PPP2CB: variants seen among roughly 807,000 people sequenced by gnomAD.
PPP2CB encodes the protein protein phosphatase 2 catalytic subunit beta.
Under a neutral mutation model 39.1 loss-of-function variants are expected in PPP2CB, and 18 were observed. The observed-to-expected ratio is 0.46, with a 90% CI of 0.32 to 0.68. PPP2CB has a LOEUF of 0.68. PPP2CB is among the 30% of genes least tolerant of loss of function. The pLI is 0.04. For synonymous variants in PPP2CB, 129 were observed against 133.8 expected (o/e 0.96, Z 0.25); for missense variants, 226 against 396.9 (o/e 0.57, Z 3.66).
intron 1 of PPP2CB, among the ~76,000 whole-genome samples, chr8:30,809,601 T>C (rs1042420664): frequency 2.6e-5 from 4 of 151,934 alleles, no homozygotes; most frequent in African/African-American, 9.7e-5. Context: ...GATGAATGAA[T>C]TTCACTAACA....
intron 1 of PPP2CB, among the ~76,000 whole-genome samples, chr8:30,811,378 G>A (rs1206251539): frequency 6.6e-6 from 1 of 151,964 alleles, no homozygotes; most frequent in Non-Finnish European, 1.5e-5. Flanking sequence ...TTACTTCCAA[G>A]AGCCACTCAA....
chr8:30,788,026 T>G (rs1806371969), intron 6 of PPP2CB, among the ~76,000 whole-genome samples: 1 of 152,208 alleles, frequency 6.6e-6, no homozygotes, highest in Admixed American at 6.5e-5. Flanking sequence ...TTCAGTAAGG[T>G]CTCTAGTGAT....
chr8:30,801,512 C>T (rs1806626811), intron 1 of PPP2CB, among the ~76,000 whole-genome samples: 1 of 146,054 alleles, frequency 6.8e-6, no homozygotes, highest in Non-Finnish European at 1.5e-5. Context: ...CCAGCCTGGG[C>T]GACAGAGCAA....
intron 1 of PPP2CB, among the ~76,000 whole-genome samples, chr8:30,804,026 T>C (rs1444253044): frequency 1.3e-5 from 2 of 152,162 alleles, no homozygotes; most frequent in African/African-American, 4.8e-5. Flanking sequence ...TTTCACCACG[T>C]TGGCCAGACT....
chr8:30,811,677 T>G (rs915593165), intron 1 of PPP2CB, among the ~76,000 whole-genome samples: 3 of 150,750 alleles, frequency 2.0e-5, no homozygotes, highest in Non-Finnish European at 4.4e-5. Context: ...AAAAAATTTT[T>G]TGTGTGTGGA....
At chr8:30,786,455 C>T in intron 6 of PPP2CB, 148 bp from the exon 7 acceptor site, 2 of 587,814 alleles carry the variant, frequency 3.4e-6, no homozygotes, top group Non-Finnish European at 5.9e-6. Context: ...ATGGGCAAAT[C>T]ACTGCAGATG....
intron 1 of PPP2CB, among the ~76,000 whole-genome samples, chr8:30,808,983 G>C (rs939790769): frequency 1.5e-4 from 22 of 148,302 alleles, no homozygotes; most frequent in Admixed American, 1.4e-3. Flanking sequence ...GGAGTGCAGC[G>C]GTATGATCAC....
chr8:30,800,878 C>G (rs891264282), intron 1 of PPP2CB, among the ~76,000 whole-genome samples: 1 of 152,062 alleles, frequency 6.6e-6, no homozygotes, highest in Non-Finnish European at 1.5e-5. Context: ...GAATGCAAAC[C>G]GAGAGGAAGA....
Position 30,809,068 on chromosome 8 carries a change from C to A in PPP2CB, c.102+3252G>T, listed in dbSNP as rs541407852. Among the ~76,000 whole-genome samples, 3 of 150,592 alleles carry A rather than the reference C, an allele frequency of 2.0e-5. No individual in the cohort carries two copies. The South Asian group carries it at 6.4e-4, about 32-fold the overall frequency. On this transcript the variant is annotated intron_variant, in intron 1 of 6. Transcript: ENST00000221138. Reference sequence around the variant, plus strand: ...AAGTAGCTGGGAGTGCAACACTACGCCCAGCTAATTTTTTTTTTTTTTTTT... The same window carrying A: ...AAGTAGCTGGGAGTGCAACACTACGACCAGCTAATTTTTTTTTTTTTTTTT...
intron 1 of PPP2CB, among the ~76,000 whole-genome samples, chr8:30,809,141 T>C (rs968626888): frequency 6.6e-6 from 1 of 151,768 alleles, no homozygotes; most frequent in Non-Finnish European, 1.5e-5. Context: ...CTTGAACTCC[T>C]GGCCTCAAGT....
intron 1 of PPP2CB, among the ~76,000 whole-genome samples, chr8:30,811,653 A>T (rs1563218626): frequency 1.3e-5 from 2 of 150,276 alleles, no homozygotes; most frequent in Non-Finnish European, 3.0e-5. Flanking sequence ...CCGCCGTCAC[A>T]CCCTGCTAAT....
chr8:30,796,328 ACT>A (rs1459863523), intron 3 of PPP2CB, among the ~76,000 whole-genome samples: 1 of 151,920 alleles, frequency 6.6e-6, no homozygotes, highest in Non-Finnish European at 1.5e-5. Context: ...ATTCTTGACA[ACT>A]CTGGGCTTTC....
chr8:30,786,430 A>G (rs1211642389), intron 6 of PPP2CB, 123 bp from the exon 7 acceptor site: 1 of 750,056 alleles, frequency 1.3e-6, no homozygotes, highest in Non-Finnish European at 2.1e-6. Flanking sequence ...TACATCACTT[A>G]CGGCTGGAAT....
At chr8:30,795,533 A>C (rs1016664074) in intron 3 of PPP2CB, among the ~76,000 whole-genome samples, 1 of 152,150 alleles carries the variant, frequency 6.6e-6, no homozygotes, top group African/African-American at 2.4e-5. Context: ...TTTTTTTTCC[A>C]AATGACTTTG....
At chr8:30,795,888 G>C (rs999347441) in intron 3 of PPP2CB, among the ~76,000 whole-genome samples, 26 of 152,224 alleles carry the variant, frequency 1.7e-4, no homozygotes, top group African/African-American at 6.3e-4. Context: ...CATTCCTAGT[G>C]TTTTATGTGC....
intron 1 of PPP2CB, among the ~76,000 whole-genome samples, chr8:30,800,669 A>G (rs1303923301): frequency 6.6e-6 from 1 of 152,226 alleles, no homozygotes; most frequent in Admixed American, 6.5e-5. Context: ...AATCAGGAAG[A>G]AAAATTTAAA....
chr8:30,789,437 T>C (rs1364882095), intron 6 of PPP2CB, among the ~76,000 whole-genome samples: 2 of 152,208 alleles, frequency 1.3e-5, no homozygotes, highest in African/African-American at 2.4e-5. Flanking sequence ...CTTGGCCAGT[T>C]AGATCTTAAA....
chr8:30,788,507 C>G (rs1806380115), intron 6 of PPP2CB, among the ~76,000 whole-genome samples: 1 of 152,198 alleles, frequency 6.6e-6, no homozygotes, highest in Admixed American at 6.5e-5. Context: ...ACTTTGGCTT[C>G]CCAAAGTGTT....
chr8:30,803,915 T>C (rs968033740), intron 1 of PPP2CB, among the ~76,000 whole-genome samples: 3 of 151,958 alleles, frequency 2.0e-5, no homozygotes, highest in African/African-American at 7.3e-5. Context: ...CTCCGCCTCC[T>C]GGATTCAAGT....
Sources: allele counts gnomAD v4.1 joint callset (sites outside exome capture counted in the v4.1 genomes callset), GRCh38; gene constraint gnomAD v4.1.1; transcripts MANE v1.5; gene names NCBI Gene and HGNC (gene_info 2026-07-23, HGNC 2026-07-21).